Variants in ZBTB41 observed in about 807,000 individuals in gnomAD.
ZBTB41 encodes the protein zinc finger and BTB domain containing 41, also known as zinc finger and BTB domain-containing protein 41.
In ZBTB41, 42 loss-of-function variants were observed where a neutral mutation model predicts 87.6. The ratio of observed to expected loss-of-function variants is 0.48; its 90% CI spans 0.37 to 0.62. ZBTB41 has a LOEUF of 0.62. Ranked by LOEUF, ZBTB41 falls within the 20% of genes least tolerant of loss-of-function variation. ZBTB41 has a pLI of 0.00. For synonymous variants in ZBTB41, 364 were observed against 364.0 expected (o/e 1.00, Z 0.00); for missense variants, 799 against 1,078.9 (o/e 0.74, Z 3.63).
At chr1:197,172,981 C>T (rs911715306) in intron 9 of ZBTB41, among the ~76,000 whole-genome samples, 4 of 151,874 alleles carry the variant, frequency 2.6e-5, no homozygotes, top group South Asian at 2.1e-4. Context: ...AATAAGTTAC[C>T]GAAAAGTTAA....
intron 6 of ZBTB41, among the ~76,000 whole-genome samples, chr1:197,179,638 A>C (rs1049992806): frequency 2.0e-5 from 3 of 152,074 alleles, no homozygotes; most frequent in African/African-American, 4.8e-5. Flanking sequence ...CTGTCCCTGA[A>C]GACCTTCCAG....
chr1:197,186,317 C>G (rs1008899546), intron 5 of ZBTB41, among the ~76,000 whole-genome samples: 1 of 151,734 alleles, frequency 6.6e-6, no homozygotes, highest in African/African-American at 2.4e-5. Context: ...GACCTTACAT[C>G]CTTTGCAAAA....
chr1:197,177,863 T>C (rs867253608), intron 7 of ZBTB41, among the ~76,000 whole-genome samples: 2 of 152,104 alleles, frequency 1.3e-5, no homozygotes, highest in African/African-American at 4.8e-5. Flanking sequence ...TGAAAGTGTA[T>C]ATATTAAAGC....
intron 2 of ZBTB41, among the ~76,000 whole-genome samples, chr1:197,197,380 G>A (rs557732706): frequency 1.6e-4 from 24 of 152,056 alleles, no homozygotes; most frequent in Admixed American, 4.6e-4. Context: ...AACTACTGGT[G>A]AAAAGCAAGC....
chr1:197,185,678 C>A (rs1316616709), intron 5 of ZBTB41, among the ~76,000 whole-genome samples: 2 of 151,512 alleles, frequency 1.3e-5, no homozygotes, highest in Non-Finnish European at 2.9e-5. Flanking sequence ...ATATACAGTA[C>A]TCCTTTCAAT....
intron 10 of ZBTB41, among the ~76,000 whole-genome samples, chr1:197,166,799 A>T (rs1413676782): frequency 6.6e-6 from 1 of 152,164 alleles, no homozygotes; most frequent in Non-Finnish European, 1.5e-5. Context: ...GTGAGCCAAG[A>T]TCGTGCTATT....
intron 10 of ZBTB41, 119 bp from the exon 11 acceptor site, chr1:197,160,133 ACTGTATACTAT>A: frequency 1.4e-6 from 1 of 696,818 alleles, no homozygotes; most frequent in Non-Finnish European, 2.4e-6. Context: ...TAGCAATAAT[ACTGTATACTAT>A]CACAAAATGC....
At chr1:197,167,409 G>A (rs953068179) in intron 10 of ZBTB41, among the ~76,000 whole-genome samples, 1 of 152,026 alleles carries the variant, frequency 6.6e-6, no homozygotes, top group South Asian at 2.1e-4. Flanking sequence ...TTCCCAGGCT[G>A]GTCTTGAACT....
intron 5 of ZBTB41, among the ~76,000 whole-genome samples, chr1:197,185,935 T>C (rs542933973): frequency 6.6e-6 from 1 of 151,972 alleles, no homozygotes; most frequent in Non-Finnish European, 1.5e-5. Context: ...CCAATCAAAA[T>C]CCCAGAAAGT....
At chr1:197,194,080 G>A (rs1428765639) in intron 2 of ZBTB41, among the ~76,000 whole-genome samples, 2 of 151,720 alleles carry the variant, frequency 1.3e-5, no homozygotes, top group Admixed American at 6.6e-5. Context: ...GTGCACTGGC[G>A]CGATCTCGGC....
At chr1:197,186,973 A>G (rs1659902019) in intron 5 of ZBTB41, among the ~76,000 whole-genome samples, 1 of 152,204 alleles carries the variant, frequency 6.6e-6, no homozygotes, top group African/African-American at 2.4e-5. Flanking sequence ...GATGCTCCAC[A>G]TTATATGCAT....
chr1:197,175,700 C>G (rs1017566960), intron 8 of ZBTB41, among the ~76,000 whole-genome samples: 1 of 151,382 alleles, frequency 6.6e-6, no homozygotes, highest in African/African-American at 2.4e-5. Context: ...CAATTACTGT[C>G]TCAATACCAG....
rs975684303 is a variant in ZBTB41, at chr1:197,157,350, A to C, written c.*2009T>G. ...ATATATATATACTATCTGCCTTTTTATAAGTCTAAACTTTTCTACATTAGC... is the reference window on the plus strand; with the variant it reads ...ATATATATATACTATCTGCCTTTTTCTAAGTCTAAACTTTTCTACATTAGC... On this transcript the variant is annotated 3_prime_UTR_variant, in exon 11 of 11. Coordinates refer to ENST00000367405, the MANE Select transcript of ZBTB41 (RefSeq NM_194314.3). The C allele has an allele frequency of 2.0e-5, 3 of 151,710 alleles. No individual in the cohort carries two copies. The highest frequency in any genetic ancestry group is 7.2e-5 in the African/African-American group (3 of 41,390). The allele number at this position is 151,710 out of a possible 1,614,324, so 9.4% of individuals were successfully genotyped here. A position where few individuals can be genotyped will look rare whatever the true frequency, so the allele number is the denominator to read the frequency against.
chr1:197,166,425 C>A (rs1174465492), intron 10 of ZBTB41, among the ~76,000 whole-genome samples: 1 of 151,926 alleles, frequency 6.6e-6, no homozygotes, highest in Non-Finnish European at 1.5e-5. Context: ...AACAAAATAC[C>A]CCAAATTCTG....
At chr1:197,178,568 A>T in intron 6 of ZBTB41, 56 bp from the exon 7 acceptor site, 1 of 1,267,934 alleles carries the variant, frequency 7.9e-7, no homozygotes, top group Non-Finnish European at 1.1e-6. Context: ...TAGTAAATAG[A>T]TTTCTGGAAA....
In ZBTB41 at chr1:197,190,765, A is replaced by G. The variant is rs747537251; in HGVS notation, c.1395T>C (p.Cys465=). 1.9e-6 allele frequency: 3 copies of G among 1,582,346 alleles called. No individual in the cohort carries two copies. The highest frequency in any genetic ancestry group is 1.2e-5 in the South Asian group (1 of 86,810). Residue 465 remains cysteine, a synonymous_variant, in exon 4 of 11, where the codon TGT becomes TGC. Coordinates refer to ENST00000367405, the MANE Select transcript of ZBTB41 (RefSeq NM_194314.3). The part of the protein sequence containing the change: ...IKKTKSESWK[C]DICKKSFTRR... ...TGTTTTAATTAAAAACTCTTACATCACATTTCCAACTTTCACTCTTAGTCT... is the reference window on the plus strand; with the variant it reads ...TGTTTTAATTAAAAACTCTTACATCGCATTTCCAACTTTCACTCTTAGTCT...
chr1:197,156,862 T>C lies in ZBTB41; in HGVS notation c.*2497A>G, dbSNP rs1470381841. The C allele has an allele frequency of 1.3e-5, 2 of 152,160 alleles. No individual in the cohort carries two copies. The highest frequency in any genetic ancestry group is 3.0e-5 in the Non-Finnish European group (2 of 67,732). The allele number at this position is 152,160 out of a possible 1,614,324, so 9.4% of individuals were successfully genotyped here. A position where few individuals can be genotyped will look rare whatever the true frequency, so the allele number is the denominator to read the frequency against. ...GTACCTGGCACATAGTAAGCATTCATTAATGCTAGCTTTCTTCTTTCCCTA... is the reference window on the plus strand; with the variant it reads ...GTACCTGGCACATAGTAAGCATTCACTAATGCTAGCTTTCTTCTTTCCCTA... On this transcript the variant is annotated 3_prime_UTR_variant, in exon 11 of 11. Transcript: ENST00000367405.
intron 2 of ZBTB41, among the ~76,000 whole-genome samples, chr1:197,192,352 G>C (rs1340567980): frequency 6.6e-6 from 1 of 152,084 alleles, no homozygotes; most frequent in African/African-American, 2.4e-5. Context: ...TCTAAATAGA[G>C]GGTTACGTGA....
At position 197,191,752 on chromosome 1, in the gene ZBTB41, T is replaced by C. The variant is rs765011318; in HGVS notation, c.1268A>G (p.Lys423Arg). The C allele has an allele frequency of 3.0e-5, 48 of 1,613,700 alleles. No homozygotes were observed. In the South Asian group the frequency reaches 4.8e-4, roughly 16 times the overall value. The change falls in exon 3 of 11, where the codon AAG becomes AGG. Residue 423 changes from lysine to arginine, a missense_variant. By Grantham distance (26) the Lys-to-Arg change is conservative. This residue lies in a region of ZBTB41 where 294 missense variants were observed against 340.1 expected (regional missense o/e 0.86). Transcript: ENST00000367405. ...NETEFHKKEHKCPYCNKLHAS... is the reference protein window; with the variant it reads ...NETEFHKKEHRCPYCNKLHAS... ...ATGAAGTTTATTACAATAAGGGCAC[T>C]TGTGCTCCTTCTTATGAAATTCTGT...
Sources: allele counts gnomAD v4.1 joint callset (sites outside exome capture counted in the v4.1 genomes callset), GRCh38; gene constraint gnomAD v4.1.1; regional missense constraint gnomAD v4.1.1; transcripts MANE v1.5; gene names NCBI Gene and HGNC (gene_info 2026-07-23, HGNC 2026-07-21).